Variants in PACRG observed in about 807,000 individuals in gnomAD.
PACRG encodes the protein parkin coregulated, also known as parkin coregulated gene protein.
PACRG carries 29 observed loss-of-function variants against 29.7 expected under a neutral mutation model. The observed-to-expected ratio is 0.98, with a 90% confidence interval of 0.73 to 1.33. The LOEUF is 1.33. Ranked by LOEUF, PACRG falls within the 40% of genes most tolerant of loss-of-function variation. The pLI is 0.00. For missense variants in PACRG, 279 were observed against 316.2 expected (o/e 0.88, Z 0.89); for synonymous variants, 116 against 118.7 (o/e 0.98, Z 0.15).
chr6:162,884,986 A>G (rs1794210171), intron 2 of PACRG, among the ~76,000 whole-genome samples: 1 of 152,062 alleles, frequency 6.6e-6, no homozygotes, highest in Non-Finnish European at 1.5e-5. Flanking sequence ...GTCTCTCAAT[A>G]TACATTTTTT....
At chr6:163,063,923 T>C (rs1343805949) in intron 3 of PACRG, among the ~76,000 whole-genome samples, 4 of 152,172 alleles carry the variant, frequency 2.6e-5, no homozygotes, top group Non-Finnish European at 4.4e-5. Context: ...TTCTCTCAGA[T>C]GGGTCACATT....
intron 1 of PACRG, among the ~76,000 whole-genome samples, chr6:162,742,551 A>G (rs898680026): frequency 9.2e-5 from 14 of 152,164 alleles, no homozygotes; most frequent in Non-Finnish European, 1.6e-4. Flanking sequence ...CTTATTTCAC[A>G]TGCATAAATA....
chr6:163,064,350 C>G (rs1277092182), intron 3 of PACRG, among the ~76,000 whole-genome samples: 1 of 152,136 alleles, frequency 6.6e-6, no homozygotes, highest in South Asian at 2.1e-4. Context: ...TACACACATG[C>G]TAGAGGTCAT....
chr6:162,883,684 C>CTGTG (rs144543802), intron 2 of PACRG, among the ~76,000 whole-genome samples: 21,428 of 145,642 alleles, frequency 0.15, 1,716 homozygotes, highest in South Asian at 0.21. Flanking sequence ...TTTTCAAAAA[C>CTGTG]TGTGTGTGTG....
intron 1 of PACRG, among the ~76,000 whole-genome samples, chr6:162,797,014 C>T (rs763095279): frequency 3.7e-4 from 56 of 152,206 alleles, no homozygotes; most frequent in South Asian, 8.3e-4. Flanking sequence ...CAGTGGCTCA[C>T]GCCTGTAATC....
At chr6:162,827,686 A>T (rs1033862036) in intron 2 of PACRG, among the ~76,000 whole-genome samples, 21 of 152,140 alleles carry the variant, frequency 1.4e-4, no homozygotes, top group African/African-American at 4.8e-4. Context: ...TATACATCAG[A>T]CATCTCTGTG....
At chr6:163,158,914 C>A (rs1262646272) in intron 4 of PACRG, among the ~76,000 whole-genome samples, 1 of 152,076 alleles carries the variant, frequency 6.6e-6, no homozygotes, top group East Asian at 1.9e-4. Context: ...ATCGTGCTGC[C>A]ATATTATACT....
chr6:162,883,684 C>CTGTGTGTG (rs144543802), intron 2 of PACRG, among the ~76,000 whole-genome samples: 2,476 of 145,804 alleles, frequency 0.017, 64 homozygotes, highest in African/African-American at 0.055. Flanking sequence ...TTTTCAAAAA[C>CTGTGTGTG]TGTGTGTGTG....
chr6:162,748,540 T>G lies in PACRG; in HGVS notation c.156+20149T>G, dbSNP rs560610544. 5.3e-5 allele frequency among the ~76,000 whole-genome samples: 8 copies of G among 152,226 alleles called. No homozygotes were observed. The South Asian group carries it at 1.7e-3, about 32-fold the overall frequency. On this transcript the variant is annotated intron_variant, in intron 1 of 4. Coordinates refer to ENST00000366888, the MANE Select transcript of PACRG (RefSeq NM_001080379.2). Reference sequence around the variant, plus strand: ...CAAACCAAAAAACTTGTATTCAGTTTATAGTGGAAAATCCATATCATCAAT... The same window carrying G: ...CAAACCAAAAAACTTGTATTCAGTTGATAGTGGAAAATCCATATCATCAAT...
At chr6:163,177,135 G>A (rs542465811) in intron 4 of PACRG, among the ~76,000 whole-genome samples, 1 of 152,338 alleles carries the variant, frequency 6.6e-6, no homozygotes, top group East Asian at 1.9e-4. Context: ...ACAGTGCACA[G>A]AAATAACAAC....
chr6:163,173,210 C>T (rs1235659620), intron 4 of PACRG, among the ~76,000 whole-genome samples: 2 of 152,188 alleles, frequency 1.3e-5, no homozygotes, highest in Non-Finnish European at 2.9e-5. Flanking sequence ...TTTGCCATCT[C>T]TTCCATAATA....
intron 1 of PACRG, among the ~76,000 whole-genome samples, chr6:162,766,422 A>G (rs1782798168): frequency 6.7e-6 from 1 of 150,200 alleles, no homozygotes; most frequent in Admixed American, 6.8e-5. Context: ...ATAGCATTCC[A>G]TTGTGTATTT....
chr6:162,935,215 T>C (rs746020569), intron 2 of PACRG, among the ~76,000 whole-genome samples: 30 of 152,160 alleles, frequency 2.0e-4, no homozygotes, highest in Non-Finnish European at 3.4e-4. Flanking sequence ...CCTGTATCTA[T>C]ATGTCTAAAT....
intron 2 of PACRG, among the ~76,000 whole-genome samples, chr6:163,017,260 G>A (rs994120458): frequency 6.6e-6 from 1 of 152,046 alleles, no homozygotes; most frequent in African/African-American, 2.4e-5. Context: ...AAACGTGGGG[G>A]GAGATACAGC....
At chr6:163,054,931 A>G (rs906621398) in intron 2 of PACRG, among the ~76,000 whole-genome samples, 3 of 152,142 alleles carry the variant, frequency 2.0e-5, no homozygotes, top group Admixed American at 1.3e-4. Flanking sequence ...AGGCCAGGCC[A>G]GGGATTGGAG....
intron 1 of PACRG, among the ~76,000 whole-genome samples, chr6:162,805,813 T>C (rs1786272663): frequency 6.6e-6 from 1 of 152,188 alleles, no homozygotes; most frequent in South Asian, 2.1e-4. Flanking sequence ...TTTTATGAGG[T>C]TGCAGCAATT....
At chr6:163,311,813 AT>A (rs67836672) in intron 4 of PACRG, among the ~76,000 whole-genome samples, 3 of 151,978 alleles carry the variant, frequency 2.0e-5, no homozygotes, top group African/African-American at 4.8e-5. Flanking sequence ...CTATGGTCAA[AT>A]TTTTTTTAAA....
At chr6:163,170,521 C>G (rs1172880994) in intron 4 of PACRG, 1 of 152,108 alleles carries the variant, frequency 6.6e-6, no homozygotes, top group Non-Finnish European at 1.5e-5. Context: ...GGGTCAGGAC[C>G]GCCCCTACTC....
At chr6:163,098,257 A>G (rs567516379) in intron 4 of PACRG, among the ~76,000 whole-genome samples, 8 of 152,262 alleles carry the variant, frequency 5.3e-5, no homozygotes, top group African/African-American at 1.4e-4. Context: ...ACTGGCACTC[A>G]TGCCCCCTGC....
Sources: gnomAD v4.1 joint callset for allele counts (sites outside exome capture counted in the v4.1 genomes callset) on GRCh38, gnomAD v4.1.1 for gene constraint, MANE v1.5 for transcripts, NCBI Gene and HGNC (gene_info 2026-07-23, HGNC 2026-07-21) for gene names.